The following MET variants were observed in gnomAD, a reference collection of about 807,000 sequenced individuals.
MET encodes the protein MET proto-oncogene, receptor tyrosine kinase, also known as hepatocyte growth factor receptor.
Under a neutral mutation model 133.1 loss-of-function variants are expected in MET, and 48 were observed. That is an observed-to-expected ratio of 0.36 (90% confidence interval 0.29 to 0.46). MET has a LOEUF of 0.46. Among genes scored for constraint, MET ranks in the 20% least tolerant of loss-of-function variants. The probability of loss-of-function intolerance (pLI) is 1.00; values close to 1 mark genes in which losing one functional copy is unlikely to be tolerated. For missense variants in MET, 1,442 were observed against 1,695.9 expected (o/e 0.85, Z 2.63); for synonymous variants, 628 against 616.5 (o/e 1.02, Z -0.28).
chr7:116,703,746 T>C (rs903625267), intron 2 of MET, among the ~76,000 whole-genome samples: 2 of 152,082 alleles, frequency 1.3e-5, no homozygotes, highest in African/African-American at 2.4e-5. Flanking sequence ...TGAGAATCAA[T>C]ACAGAATAAG....
At chr7:116,680,432 A>AT (rs1796309705) in intron 1 of MET, among the ~76,000 whole-genome samples, 1 of 152,216 alleles carries the variant, frequency 6.6e-6, no homozygotes, top group Admixed American at 6.5e-5. Flanking sequence ...TTTAAGAAAG[A>AT]TTTTTTATGA....
At position 116,794,523 on chromosome 7, in the gene MET, A is replaced by G. The variant is rs539089132; in HGVS notation, c.3799-1132A>G. Among the ~76,000 whole-genome samples the G allele has an allele frequency of 6.6e-5, 10 of 152,344 alleles. No homozygotes were observed. In the East Asian group the frequency reaches 1.9e-3, roughly 29 times the overall value. ...TCATTAATGGTAATTTGTATCAGCA[A>G]TTACAGCATCTACCTCATTTCTTTC... On this transcript the variant is annotated intron_variant, in intron 19 of 20. Coordinates refer to ENST00000397752, the MANE Select transcript of MET (RefSeq NM_000245.4).
intron 1 of MET, among the ~76,000 whole-genome samples, chr7:116,680,549 T>G (rs1281299481): frequency 6.6e-6 from 1 of 152,080 alleles, no homozygotes; most frequent in Non-Finnish European, 1.5e-5. Flanking sequence ...GGGCGGGATA[T>G]GCTGAAGGGT....
intron 11 of MET, 111 bp from the exon 12 acceptor site, chr7:116,769,534 T>C (rs1794760250): frequency 1.5e-6 from 2 of 1,365,630 alleles, no homozygotes; most frequent in African/African-American, 1.4e-5. Flanking sequence ...TCGTGTGCCT[T>C]GGCAAACAAC....
chr7:116,690,670 A>G (rs1310198865), intron 1 of MET, among the ~76,000 whole-genome samples: 2 of 152,254 alleles, frequency 1.3e-5, no homozygotes, highest in Non-Finnish European at 2.9e-5. Flanking sequence ...CAAGCATTCA[A>G]CTAAGCATGT....
Position 116,747,150 on chromosome 7 carries a change from T to C in MET, c.1701+6125T>C, listed in dbSNP as rs138858254. 1.0e-3 allele frequency among the ~76,000 whole-genome samples: 159 copies of C among 152,184 alleles called. 1 individual carries two copies. The highest frequency in any genetic ancestry group is 3.7e-3 in the African/African-American group (153 of 41,528). On this transcript the variant is annotated intron_variant, in intron 5 of 20. Transcript: ENST00000397752. ...GAGCTCCTGAAGGAAGCACAAAATA[T>C]AGAAAGGAAAAACCGGTACCACCTA...
chr7:116,751,580 G>A (rs751389705), intron 5 of MET, among the ~76,000 whole-genome samples: 1 of 152,156 alleles, frequency 6.6e-6, no homozygotes, highest in Admixed American at 6.5e-5. Context: ...CAAGGTACAT[G>A]ATGTTCAGTG....
intron 1 of MET, among the ~76,000 whole-genome samples, chr7:116,683,392 A>T (rs1296820564): frequency 6.6e-6 from 1 of 152,182 alleles, no homozygotes; most frequent in East Asian, 1.9e-4. Context: ...ACAGAATCTC[A>T]TTCTTTTTTA....
At chr7:116,730,643 T>C (rs537678258) in intron 2 of MET, among the ~76,000 whole-genome samples, 2 of 152,072 alleles carry the variant, frequency 1.3e-5, no homozygotes, top group South Asian at 4.2e-4. Context: ...AATGAAATTG[T>C]TGGGAATTGG....
rs1794955980 is a variant in MET, at chr7:116,775,120, T to C, written c.3259+9T>C. The C allele has an allele frequency of 6.2e-7, 1 of 1,613,308 alleles. No individual in the cohort carries two copies. The highest frequency in any genetic ancestry group is 8.5e-7 in the Non-Finnish European group (1 of 1,179,238). On this transcript the variant is annotated intron_variant, in intron 15 of 20. Coordinates refer to ENST00000397752, the MANE Select transcript of MET (RefSeq NM_000245.4). ...TGAAGTCATAGGAAGAGGTAAGTAT[T>C]TCCACTCAGCTTTTTGTTAAATACG...
intron 5 of MET, among the ~76,000 whole-genome samples, chr7:116,743,892 A>C (rs572447489): frequency 2.7e-4 from 41 of 152,314 alleles, no homozygotes. Context: ...ACCCTGGCAA[A>C]CAGGGTCTGG....
intron 1 of MET, among the ~76,000 whole-genome samples, chr7:116,677,806 T>C (rs1175776183): frequency 6.6e-6 from 1 of 152,262 alleles, no homozygotes; most frequent in Non-Finnish European, 1.5e-5. Context: ...CCACATACTT[T>C]ACATCAAACT....
chr7:116,729,330 A>G (rs1277269145), intron 2 of MET, among the ~76,000 whole-genome samples: 1 of 152,230 alleles, frequency 6.6e-6, no homozygotes, highest in Non-Finnish European at 1.5e-5. Flanking sequence ...ATTTATTGCC[A>G]CTGAAAATGA....
rs1795701286 is a variant in MET at position 116,797,100 on chromosome 7, A to T, written c.*976A>T. ...TCATCATGAAATATTTAGTTGTCATATAAAAACCCACTGTTTGAGAATGAT... is the reference window on the plus strand; with the variant it reads ...TCATCATGAAATATTTAGTTGTCATTTAAAAACCCACTGTTTGAGAATGAT... On this transcript the variant is annotated 3_prime_UTR_variant, in exon 21 of 21. Transcript: ENST00000397752. 1 of 194,784 alleles carries T rather than the reference A, an allele frequency of 5.1e-6. No individual in the cohort carries two copies. The highest frequency in any genetic ancestry group is 1.9e-4 in the South Asian group (1 of 5,186). 12.1% of individuals were successfully genotyped at this position (194,784 alleles called of 1,614,324 possible).
chr7:116,748,500 C>T (rs1793783544), intron 5 of MET, among the ~76,000 whole-genome samples: 2 of 152,200 alleles, frequency 1.3e-5, no homozygotes, highest in South Asian at 4.1e-4. Context: ...ATTTGTAGCA[C>T]TAAATGCCCA....
rs2116910973 is a variant in MET at position 116,755,502 on chromosome 7, A to T, written c.1849A>T (p.Ser617Cys). 6.2e-7 allele frequency: 1 copy of T among 1,614,140 alleles called. No individual in the cohort carries two copies. The highest frequency in any genetic ancestry group is 8.5e-7 in the Non-Finnish European group (1 of 1,180,000). Residue 617 changes from serine to cysteine, a missense_variant, in exon 6 of 21, where the codon AGC becomes TGC. Physicochemically the swap from Ser to Cys is moderately radical, Grantham distance 112. Coordinates refer to ENST00000397752, the MANE Select transcript of MET (RefSeq NM_000245.4). The part of the protein sequence containing the change: ...NESCTLTLSE[S>C]TMNTLKCTVG... Reference sequence around the variant, plus strand: ...GAGCTGCACCTTGACTTTAAGTGAGAGCACGATGAATACGTAAGGATCTTA... The same window carrying T: ...GAGCTGCACCTTGACTTTAAGTGAGTGCACGATGAATACGTAAGGATCTTA...
intron 1 of MET, 45 bp from the exon 2 acceptor site, chr7:116,699,026 A>G (rs977574164): frequency 1.9e-6 from 3 of 1,612,454 alleles, no homozygotes; most frequent in Non-Finnish European, 2.5e-6. Flanking sequence ...TTTTCTCTTC[A>G]TTTCTGACAA....
intron 2 of MET, among the ~76,000 whole-genome samples, chr7:116,721,658 G>A (rs1397888194): frequency 6.6e-6 from 1 of 152,084 alleles, no homozygotes; most frequent in East Asian, 1.9e-4. Context: ...TGCTTTGAAT[G>A]CGTCCCAGAG....
chr7:116,714,390 C>T (rs991291109), intron 2 of MET, among the ~76,000 whole-genome samples: 1 of 152,086 alleles, frequency 6.6e-6, no homozygotes, highest in African/African-American at 2.4e-5. Context: ...AAGTATTTAT[C>T]TCTCTTTTCT....
Sources: gnomAD v4.1 joint callset for allele counts (sites outside exome capture counted in the v4.1 genomes callset) on GRCh38, gnomAD v4.1.1 for gene constraint, MANE v1.5 for transcripts, NCBI Gene and HGNC (gene_info 2026-07-23, HGNC 2026-07-21) for gene names.